Variants in INTS1 observed in about 807,000 individuals in gnomAD.
INTS1 encodes integrator complex subunit 1.
In INTS1, 137 loss-of-function variants were observed where a neutral mutation model predicts 241.6. The ratio of observed to expected loss-of-function variants is 0.57; its 90% CI spans 0.49 to 0.65. The LOEUF is 0.65. Ranked by LOEUF, INTS1 falls within the 30% of genes least tolerant of loss-of-function variation. The pLI, the probability that INTS1 is intolerant of heterozygous loss-of-function variation, is 0.00. For missense variants in INTS1, 3,073 were observed against 3,032.2 expected, an observed-to-expected ratio of 1.01 and a Z score of -0.32; for synonymous variants, 1,692 against 1,337.8, an observed-to-expected ratio of 1.26 and a Z score of -5.78.
At chr7:1,482,933 C>A in intron 26 of INTS1, 1 of 569,376 alleles carries the variant, frequency 1.8e-6, no homozygotes. Flanking sequence ...AGCATCACTG[C>A]CATTTTGTCG....
chr7:1,496,040 T>C (rs1782834741), intron 12 of INTS1, 116 bp downstream of exon 12: 4 of 734,364 alleles, frequency 5.4e-6, no homozygotes, highest in Non-Finnish European at 9.3e-6. Flanking sequence ...GTAGCCGTGC[T>C]GCGGGACCGC....
At chr7:1,491,469 C>T (rs1056091667) in intron 16 of INTS1, among the ~76,000 whole-genome samples, 2 of 152,224 alleles carry the variant, frequency 1.3e-5, no homozygotes, top group African/African-American at 4.8e-5. Flanking sequence ...AAAGTAAGAG[C>T]TGGGACTATA....
In INTS1 at chr7:1,482,643, G is replaced by A. The variant is rs374306599; in HGVS notation, c.3606C>T (p.Thr1202=). The change falls in exon 27 of 48, where the codon ACC becomes ACT. Residue 1202 remains threonine, a synonymous_variant. Coordinates refer to ENST00000404767, the MANE Select transcript of INTS1 (RefSeq NM_001080453.3). ...CCTCCGATGTGTCCACCAGGAAGGC[G>A]GTGGGCAGTGGCTTCTCCTCCGGAA... is the stretch of plus-strand genomic sequence containing the variant. ...IWFPEEKPLP[T]AFLVDTSEEA... 53 of 1,612,726 alleles carry A rather than the reference G, an allele frequency of 3.3e-5. No homozygotes were observed. Among genetic ancestry groups the A allele is most frequent in the Admixed American group, 1.3e-4 (8 of 60,004 alleles).
In INTS1 at chr7:1,479,573, G is replaced by T. The variant is rs1781894564; in HGVS notation, c.4186C>A (p.Pro1396Thr). The change falls in exon 31 of 48, where the codon CCC becomes ACC. Residue 1396 changes from proline (P) to threonine (T), a missense_variant. Physicochemically the swap from Pro to Thr is conservative, Grantham distance 38 (BLOSUM62 -1). Transcript: ENST00000404767. ...CGCACCGTGATGCCCGGCACCTCGG[G>T]GCTGCCCTGGACGACGCGGGCCAGC... Reference protein sequence around the residue: ...QELARVVQGSPEVPGITVRVL... With the variant: ...QELARVVQGSTEVPGITVRVL... The T allele has an allele frequency of 7.8e-6, 12 of 1,547,256 alleles. No individual in the cohort carries two copies. Among genetic ancestry groups the T allele is most frequent in the Non-Finnish European group, 1.0e-5 (12 of 1,147,260 alleles).
At chr7:1,479,191 G>A (rs909602513) in intron 31 of INTS1, among the ~76,000 whole-genome samples, 3 of 152,262 alleles carry the variant, frequency 2.0e-5, no homozygotes, top group Non-Finnish European at 4.4e-5. Flanking sequence ...AAGCAAGGCA[G>A]GAGCGCCGAG....
intron 43 of INTS1, 41 bp downstream of exon 43, chr7:1,473,031 T>C: frequency 1.4e-6 from 2 of 1,402,328 alleles, no homozygotes; most frequent in Non-Finnish European, 2.0e-6. Context: ...TGTAGGACTG[T>C]TCCGCAGCTG....
chr7:1,496,079 G>T, intron 12 of INTS1, 77 bp downstream of exon 12: 1 of 1,152,116 alleles, frequency 8.7e-7, no homozygotes, highest in Non-Finnish European at 1.3e-6. Flanking sequence ...GGACAGTGCA[G>T]CCTCGGAGAG....
chr7:1,503,858 G>GACCCCCAAAA lies in INTS1; in HGVS notation c.58+44_58+45insTTTTGGGGGT, dbSNP rs780953877. The stretch of plus-strand genomic sequence containing the variant: ...GCTGAGATCCCCAAAGACCCCCAAA[G>GACCCCCAAAA]ACCCCCAAAGACCCCCGGGCTGCAG... On this transcript the variant is annotated intron_variant, in intron 2 of 47. Transcript: ENST00000404767. 4.2e-6 allele frequency: 6 copies of GACCCCCAAAA among 1,431,836 alleles called. No homozygotes were observed. The Admixed American group carries it at 6.1e-5, about 14-fold the overall frequency. 88.7% of individuals were successfully genotyped at this position (1,431,836 alleles called of 1,614,324 possible).
rs1178623465 is a variant in INTS1 at position 1,497,674 on chromosome 7, A to G, written c.1426-360T>C. ...AACGGAAACCAAAGGCCACCACCCAAGATCTGAAAGGATCTGAAAGGACGC... is the reference window on the plus strand; with the variant it reads ...AACGGAAACCAAAGGCCACCACCCAGGATCTGAAAGGATCTGAAAGGACGC... On this transcript the variant is annotated intron_variant, in intron 10 of 47. Coordinates refer to ENST00000404767, the MANE Select transcript of INTS1 (RefSeq NM_001080453.3). This position sits in a 1 kb window ranked among gnomAD's most constrained non-coding sequence, Gnocchi z 5.3. Among the ~76,000 whole-genome samples the G allele has an allele frequency of 6.6e-6, 1 of 152,242 alleles. No homozygotes were observed. Among genetic ancestry groups the G allele is most frequent in the Non-Finnish European group, 1.5e-5 (1 of 68,036 alleles).
In INTS1 at chr7:1,473,085, G is replaced by C. The variant is rs761823146; in HGVS notation, c.6057C>G (p.Asp2019Glu). Residue 2019 changes from aspartate (D) to glutamate (E), a missense_variant, in exon 43 of 48, where the codon GAC (aspartate) becomes GAG (glutamate). Transcript: ENST00000404767. ...SRDDRTDRGLDEEGEEESSAG... is the reference protein window; with the variant it reads ...SRDDRTDRGLEEEGEEESSAG... ...AGCCCCACTCACCCTCGCCCTCTTC[G>C]TCCAGGCCTCGGTCGGTCCTGTCGT... The C allele has an allele frequency of 1.2e-6, 2 of 1,605,806 alleles. No homozygotes were observed. Among genetic ancestry groups the C allele is most frequent in the African/African-American group, 2.7e-5 (2 of 74,792 alleles).
chr7:1,495,343 G>A, intron 13 of INTS1, 90 bp downstream of exon 13: 1 of 1,467,414 alleles, frequency 6.8e-7, no homozygotes, highest in Non-Finnish European at 9.1e-7. Flanking sequence ...TCCTGGCTCA[G>A]TGGGGTTTGG....
chr7:1,480,255 GC>G, intron 30 of INTS1, 61 bp downstream of exon 30: 1 of 1,533,580 alleles, frequency 6.5e-7, no homozygotes, highest in African/African-American at 1.4e-5. Context: ...CGAGGCGGCA[GC>G]GAAGGCTGCA....
Position 1,487,442 on chromosome 7 carries a change from G to A in INTS1, c.2524C>T (p.Pro842Ser). ...AGGATGTGAGGGGGAGGCCTCCGGG[G>A]GGGCCCCCTGAGGGCCACAGGGGAC... is the stretch of plus-strand genomic sequence containing the variant. ...QLTSLDPQGP[P>S]RRPPPHILDQ... The change falls in exon 20 of 48, where the codon CCC becomes TCC. Residue 842 changes from proline (P) to serine (S), a missense_variant. Coordinates refer to ENST00000404767, the MANE Select transcript of INTS1 (RefSeq NM_001080453.3). The A allele has an allele frequency of 6.2e-7, 1 of 1,611,332 alleles. No individual in the cohort carries two copies. Among genetic ancestry groups the A allele is most frequent in the Non-Finnish European group, 8.5e-7 (1 of 1,179,474 alleles).
Position 1,487,903 on chromosome 7 carries a change from C to T in INTS1, c.2373G>A (p.Met791Ile). 6.2e-7 allele frequency: 1 copy of T among 1,613,526 alleles called. No individual in the cohort carries two copies. The highest frequency in any genetic ancestry group is 8.5e-7 in the Non-Finnish European group (1 of 1,179,850). Residue 791 changes from methionine to isoleucine, a missense_variant, in exon 19 of 48, where the codon ATG becomes ATA. Transcript: ENST00000404767. ...GGGCGGTCTGCAGCTCACGGTTCAG[C>T]ATCTCCGTCCGGGTCTCCTCATCCG... ...TLTDEETRTE[M>I]LNRELQTAQR...
At chr7:1,498,134 G>C (rs1782954160) in intron 10 of INTS1, among the ~76,000 whole-genome samples, 1 of 152,240 alleles carries the variant, frequency 6.6e-6, no homozygotes, top group Admixed American at 6.5e-5. Context: ...CTGGGTCTTA[G>C]CTCAGAAACC....
At position 1,480,359 on chromosome 7, in the gene INTS1, C is replaced by A; in HGVS notation, c.4032G>T (p.Arg1344=). 6.2e-7 allele frequency: 1 copy of A among 1,611,838 alleles called. No individual in the cohort carries two copies. Among genetic ancestry groups the A allele is most frequent in the Non-Finnish European group, 8.5e-7 (1 of 1,179,516 alleles). ...CCAGGTCGTCCTCAGGGCCCAGCACCCGGAGCTGGGTCCCCACCCGAATCC... is the reference window on the plus strand; with the variant it reads ...CCAGGTCGTCCTCAGGGCCCAGCACACGGAGCTGGGTCCCCACCCGAATCC... ...QGRIRVGTQL[R]VLGPEDDLAG... The change falls in exon 30 of 48, where the codon CGG becomes CGT. Residue 1344 remains arginine, a synonymous_variant. Transcript: ENST00000404767.
intron 36 of INTS1, 28 bp from the exon 37 acceptor site, chr7:1,476,685 C>T (rs768531940): frequency 7.4e-6 from 12 of 1,612,414 alleles, no homozygotes; most frequent in Middle Eastern, 3.3e-4. Context: ...TTCCAGAGCA[C>T]GAGGTGTCTC....
Position 1,485,151 on chromosome 7 carries a change from A to G in INTS1, c.3208T>C (p.Leu1070=). Residue 1070 remains leucine, a synonymous_variant, in exon 24 of 48, where the codon TTG becomes CTG. Transcript: ENST00000404767. ...PQTISAYLIY[L]SQHTPVEEQA... ...TCCTCCACAGGCGTGTGCTGGGACA[A>G]GTAGATCAGGTAGGCGCTGATGGTC... The G allele has an allele frequency of 6.2e-7, 1 of 1,601,124 alleles. No homozygotes were observed. Among genetic ancestry groups the G allele is most frequent in the Non-Finnish European group, 8.5e-7 (1 of 1,179,618 alleles).
chr7:1,498,941 C>CCCGG, intron 8 of INTS1, 34 bp downstream of exon 8: 6 of 1,344,054 alleles, frequency 4.5e-6, no homozygotes, highest in African/African-American at 1.5e-5. Flanking sequence ...CCCCCACCCC[C>CCCGG]TGCCCCGCCC....
Sources: gnomAD v4.1 joint callset for allele counts (sites outside exome capture counted in the v4.1 genomes callset) on GRCh38, gnomAD v4.1.1 for gene constraint, Gnocchi (gnomAD v3.1) non-coding constraint, MANE v1.5 for transcripts, NCBI Gene and HGNC (gene_info 2026-07-23, HGNC 2026-07-21) for gene names.